The following ADAM32 variants were observed in gnomAD, a reference collection of about 807,000 sequenced individuals.
ADAM32 encodes ADAM metallopeptidase domain 32, also known as disintegrin and metalloproteinase domain-containing protein 32.
ADAM32 carries 89 observed loss-of-function variants against 114.9 expected under a neutral mutation model. That is an observed-to-expected ratio of 0.77 (90% CI 0.65 to 0.92). ADAM32 has a LOEUF of 0.92. Ranked by LOEUF, ADAM32 falls within the 40% of genes least tolerant of loss-of-function variation. The pLI is 0.00. For missense variants in ADAM32, 870 were observed against 932.8 expected, an observed-to-expected ratio of 0.93 and a Z score of 0.88; for synonymous variants, 285 against 307.5, an observed-to-expected ratio of 0.93 and a Z score of 0.77.
intron 2 of ADAM32, chr8:39,130,905 T>C (rs375011883): frequency 1.5e-5 from 7 of 456,164 alleles, no homozygotes; most frequent in African/African-American, 1.4e-4. Context: ...AATAGTTTCA[T>C]TTATCATGCC....
At chr8:39,259,531 A>G (rs1338915627) in intron 19 of ADAM32, among the ~76,000 whole-genome samples, 2 of 152,056 alleles carry the variant, frequency 1.3e-5, no homozygotes, top group East Asian at 3.8e-4. Context: ...TTAATGTTAT[A>G]TAATGTCTAA....
Position 39,283,591 on chromosome 8 carries a change from A to T in ADAM32, c.2324A>T (p.Lys775Ile), listed in dbSNP as rs377111064. The T allele has an allele frequency of 1.9e-5, 31 of 1,599,364 alleles. No individual in the cohort carries two copies. In the African/African-American group the frequency reaches 4.0e-4, roughly 20 times the overall value. Residue 775 changes from lysine (K) to isoleucine (I), a missense_variant, in exon 24 of 25, where the codon AAA becomes ATA. Coordinates refer to ENST00000379907, the MANE Select transcript of ADAM32 (RefSeq NM_145004.7). ...TTATTTCCTTATTTCCTTAGATCCA[A>T]ATCACAGGACAGTACCCAAACACAA... Reference protein sequence around the residue: ...DSAEAYTSRSKSQDSTQTQSS... With the variant: ...DSAEAYTSRSISQDSTQTQSS...
At chr8:39,234,680 T>G (rs1809987844) in intron 16 of ADAM32, among the ~76,000 whole-genome samples, 1 of 152,268 alleles carries the variant, frequency 6.6e-6, no homozygotes, top group African/African-American at 2.4e-5. Context: ...TATTGCCGAT[T>G]GTTATCATTA....
intron 10 of ADAM32, among the ~76,000 whole-genome samples, chr8:39,174,629 A>G (rs563731349): frequency 6.6e-6 from 1 of 151,504 alleles, no homozygotes; most frequent in South Asian, 2.1e-4. Context: ...ATCTAGCATT[A>G]GGTATATCTC....
At chr8:39,272,488 T>C in intron 20 of ADAM32, among the ~76,000 whole-genome samples, 1 of 152,226 alleles carries the variant, frequency 6.6e-6, no homozygotes, top group Non-Finnish European at 1.5e-5. Context: ...TAACCTTATA[T>C]ATATAAGCCT....
At chr8:39,266,737 T>A (rs768250646) in intron 19 of ADAM32, among the ~76,000 whole-genome samples, 1 of 152,188 alleles carries the variant, frequency 6.6e-6, no homozygotes, top group African/African-American at 2.4e-5. Context: ...TCTTTTTGAG[T>A]TGTCAGAGTT....
At chr8:39,155,081 A>T (rs1477884091) in intron 6 of ADAM32, among the ~76,000 whole-genome samples, 4 of 152,196 alleles carry the variant, frequency 2.6e-5, no homozygotes, top group Admixed American at 6.5e-5. Context: ...GTATCTCAAA[A>T]TAATAAGAGC....
chr8:39,172,288 A>C (rs1805250142), intron 10 of ADAM32, among the ~76,000 whole-genome samples: 1 of 152,094 alleles, frequency 6.6e-6, no homozygotes, highest in Non-Finnish European at 1.5e-5. Context: ...AGTGTATATG[A>C]ATTGCAAACA....
chr8:39,269,262 C>G (rs535483732), intron 19 of ADAM32, among the ~76,000 whole-genome samples: 1 of 152,312 alleles, frequency 6.6e-6, no homozygotes, highest in African/African-American at 2.4e-5. Context: ...AAAACTCTCT[C>G]TAGGCAGTAA....
In ADAM32 at chr8:39,234,058, T is replaced by C. The variant is rs1809938240; in HGVS notation, c.1794T>C (p.Asn598=). 4 of 1,485,240 alleles carry C rather than the reference T, an allele frequency of 2.7e-6. No homozygotes were observed. The highest frequency in any genetic ancestry group is 3.6e-6 in the Non-Finnish European group (4 of 1,114,240). The allele number at this position is 1,485,240 out of a possible 1,614,324, so 92.0% of individuals were successfully genotyped here. ...TTCCAGATCCACTGGCTGTCAAAAATGGCTCTCAGTGTGATATTGGGAGGG... is the reference window on the plus strand; with the variant it reads ...TTCCAGATCCACTGGCTGTCAAAAACGGCTCTCAGTGTGATATTGGGAGGG... The part of the protein sequence containing the change: ...RTVPDPLAVK[N]GSQCDIGRVC... Residue 598 remains asparagine (N), a synonymous_variant, in exon 16 of 25, where the codon AAT becomes AAC. Transcript: ENST00000379907.
intron 22 of ADAM32, among the ~76,000 whole-genome samples, chr8:39,278,223 C>A (rs534193731): frequency 2.6e-5 from 4 of 152,240 alleles, no homozygotes; most frequent in Admixed American, 2.6e-4. Context: ...TAGTCCCTGA[C>A]GTCCAGCTGC....
intron 11 of ADAM32, among the ~76,000 whole-genome samples, chr8:39,206,505 C>T (rs527811400): frequency 2.0e-5 from 3 of 152,290 alleles, no homozygotes; most frequent in East Asian, 1.9e-4. Context: ...TCAGGCCAGT[C>T]CTAAGTCCCT....
chr8:39,283,732 A>G, intron 24 of ADAM32, 108 bp downstream of exon 24: 4 of 797,760 alleles, frequency 5.0e-6, no homozygotes, highest in Non-Finnish European at 7.9e-6. Flanking sequence ...ATGAATTGGT[A>G]AAGTACTGCA....
chr8:39,221,379 G>C, intron 12 of ADAM32: 2 of 418,798 alleles, frequency 4.8e-6, no homozygotes, highest in Non-Finnish European at 8.6e-6. Flanking sequence ...CTTTTAAGTA[G>C]AGAATATAGT....
rs748565793 is a variant in ADAM32 at position 39,173,725 on chromosome 8, G to A, written c.915+3728G>A. ...TGATTGCTTTTTTCATTTTTGTCAT[G>A]AAATCTTTTCCCATGCCTCTGTCCT... On this transcript the variant is annotated intron_variant, in intron 10 of 24. Coordinates refer to ENST00000379907, the MANE Select transcript of ADAM32 (RefSeq NM_145004.7). Among the ~76,000 whole-genome samples, 15 of 152,094 alleles carry A rather than the reference G, an allele frequency of 9.9e-5. 1 individual carries two copies. Among genetic ancestry groups the A allele is most frequent in the Non-Finnish European group, 2.1e-4 (14 of 68,018 alleles).
Position 39,254,464 on chromosome 8 carries a change from A to C in ADAM32, c.1953A>C (p.Pro651=), listed in dbSNP as rs954141460. The C allele has an allele frequency of 4.2e-5, 68 of 1,602,906 alleles. No individual in the cohort carries two copies. Among genetic ancestry groups the C allele is most frequent in the Non-Finnish European group, 5.8e-5 (68 of 1,174,116 alleles). ...KCHCSPGYKP[P]NCQIRSKGFS... ...ATTGTTCGCCAGGCTATAAGCCTCC[A>C]AACTGCCAAATACGTTCCAAAGGAT... Residue 651 remains proline (P), a synonymous_variant, in exon 18 of 25, where the codon CCA becomes CCC. Coordinates refer to ENST00000379907, the MANE Select transcript of ADAM32 (RefSeq NM_145004.7).
At chr8:39,181,076 G>A (rs1805851227) in intron 10 of ADAM32, among the ~76,000 whole-genome samples, 1 of 152,234 alleles carries the variant, frequency 6.6e-6, no homozygotes, top group African/African-American at 2.4e-5. Context: ...GGATGTGGGT[G>A]GGGCCAGATA....
chr8:39,247,034 T>A (rs535632623), intron 17 of ADAM32, among the ~76,000 whole-genome samples: 1 of 152,284 alleles, frequency 6.6e-6, no homozygotes, highest in South Asian at 2.1e-4. Flanking sequence ...GCTTGATAGC[T>A]TATTTCTTTT....
intron 15 of ADAM32, among the ~76,000 whole-genome samples, chr8:39,232,464 T>C (rs1809806121): frequency 6.6e-6 from 1 of 152,180 alleles, no homozygotes; most frequent in African/African-American, 2.4e-5. Flanking sequence ...TCAGTGTCTA[T>C]AAAATGCAGT....
Sources: allele counts gnomAD v4.1 joint callset (sites outside exome capture counted in the v4.1 genomes callset), GRCh38; gene constraint gnomAD v4.1.1; transcripts MANE v1.5; gene names NCBI Gene and HGNC (gene_info 2026-07-23, HGNC 2026-07-21).